The following UBAP1L variants were observed in gnomAD, a reference collection of about 807,000 sequenced individuals.
The protein encoded by UBAP1L is ubiquitin-associated protein 1-like.
A neutral mutation model predicts 32.1 loss-of-function variants in UBAP1L; 32 were observed. The observed-to-expected ratio is 1.00, with a 90% CI of 0.75 to 1.34. The LOEUF (loss-of-function observed/expected upper bound fraction) is 1.34, where lower values mean the gene tolerates loss of function less well. UBAP1L is among the 40% of genes most tolerant of loss of function. UBAP1L has a pLI of 0.00. For synonymous variants in UBAP1L, 243 were observed against 250.2 expected (o/e 0.97, Z 0.27); for missense variants, 516 against 540.5 (o/e 0.95, Z 0.45).
At position 65,092,889 on chromosome 15, in the gene UBAP1L, C is replaced by T; in HGVS notation, c.*208G>A. ...GAAGAACATAGCTCCCCGTCCGGCT[C>T]TCCCATCTGCCCCTCTGCAGAGGCA... On this transcript the variant is annotated 3_prime_UTR_variant, in exon 6 of 6. Coordinates refer to ENST00000559089, the MANE Select transcript of UBAP1L (RefSeq NM_001163692.2). 3.0e-6 allele frequency: 2 copies of T among 662,648 alleles called. No individual in the cohort carries two copies. The highest frequency in any genetic ancestry group is 4.8e-6 in the Non-Finnish European group (2 of 414,466). The allele number at this position is 662,648 out of a possible 1,614,324, so 41.0% of individuals were successfully genotyped here.
At chr15:65,104,168 C>T (rs1429457446) in intron 2 of UBAP1L, among the ~76,000 whole-genome samples, 1 of 151,998 alleles carries the variant, frequency 6.6e-6, no homozygotes, top group Non-Finnish European at 1.5e-5. Context: ...AGGAGAATCG[C>T]TTGAACCTGG....
chr15:65,104,070 G>C (rs977429849), intron 2 of UBAP1L, among the ~76,000 whole-genome samples: 1 of 152,044 alleles, frequency 6.6e-6, no homozygotes, highest in African/African-American at 2.4e-5. Context: ...TGGCCAACAT[G>C]GCGAAACCCC....
Position 65,094,584 on chromosome 15 carries a change from G to A in UBAP1L, c.910-8C>T, listed in dbSNP as rs1279386035. 2.6e-5 allele frequency: 41 copies of A among 1,549,512 alleles called. No homozygotes were observed. Among genetic ancestry groups the A allele is most frequent in the Non-Finnish European group, 3.1e-5 (36 of 1,145,560 alleles). On this transcript the variant is annotated splice_polypyrimidine_tract_variant and splice_region_variant and intron_variant, in intron 4 of 5. Coordinates refer to ENST00000559089, the MANE Select transcript of UBAP1L (RefSeq NM_001163692.2). This position sits in a 1 kb window ranked among gnomAD's most constrained non-coding sequence, Gnocchi z 4.2. ...ACTGAGGTAGCTGAGAAACTGGGCC[G>A]GAAGCGGGCAGAGAGGGAGGGAGGG...
At chr15:65,099,453 A>G (rs542361613) in intron 4 of UBAP1L, 52 bp downstream of exon 4, 84 of 1,526,504 alleles carry the variant, frequency 5.5e-5, no homozygotes, top group South Asian at 1.6e-4. Flanking sequence ...TCATGTGGCC[A>G]CTCACCTGGC....
In UBAP1L at chr15:65,094,560, C is replaced by A; in HGVS notation, c.926G>T (p.Ser309Ile). The change falls in exon 5 of 6, where the codon AGT becomes ATT. Residue 309 changes from serine to isoleucine, a missense_variant. Ser to Ile is a moderately radical substitution (Grantham distance 142, BLOSUM62 -2). Transcript: ENST00000559089. This position sits in a 1 kb window ranked among gnomAD's most constrained non-coding sequence, Gnocchi z 4.2. Reference protein sequence around the residue: ...QSLSQFLSYLSACDRLLRQGY... With the variant: ...QSLSQFLSYLIACDRLLRQGY... ...CTGACGTAACAGGCGGTCACAGGCA[C>A]TGAGGTAGCTGAGAAACTGGGCCGG... 1 of 1,551,398 alleles carries A rather than the reference C, an allele frequency of 6.4e-7. No homozygotes were observed. Among genetic ancestry groups the A allele is most frequent in the Non-Finnish European group, 8.7e-7 (1 of 1,146,922 alleles).
chr15:65,111,372 A>C (rs1236318927), intron 1 of UBAP1L, among the ~76,000 whole-genome samples: 1 of 152,346 alleles, frequency 6.6e-6, no homozygotes, highest in East Asian at 1.9e-4. Flanking sequence ...TCCACTTAGC[A>C]GGTATAGGGC....
intron 1 of UBAP1L, among the ~76,000 whole-genome samples, chr15:65,111,287 T>C (rs1425600628): frequency 6.6e-6 from 1 of 152,204 alleles, no homozygotes; most frequent in Non-Finnish European, 1.5e-5. Context: ...TCAGATTTAT[T>C]ATTCACATTT....
At chr15:65,105,687 A>T in intron 2 of UBAP1L, 2 of 689,080 alleles carry the variant, frequency 2.9e-6, no homozygotes, top group South Asian at 2.7e-5. Context: ...GAAAGATGTC[A>T]CTTTACAGAA....
At chr15:65,105,932 A>G (rs964045695) in intron 2 of UBAP1L, 164 bp downstream of exon 2, 13 of 939,462 alleles carry the variant, frequency 1.4e-5, no homozygotes, top group Non-Finnish European at 2.1e-5. Context: ...CTGGGATTAC[A>G]GGCACGCGTC....
rs1398827878 is a variant in UBAP1L, at chr15:65,102,257, G to T, written c.548C>A (p.Ala183Glu). ...ALLHGLRGHR[A>E]LSLCPSPAQS... Reference sequence around the variant, plus strand: ...CGCAGGGCTCGGGCACAGGCTCAGCGCGCGGTGGCCGCGGAGGCCATGCAG... The same window carrying T: ...CGCAGGGCTCGGGCACAGGCTCAGCTCGCGGTGGCCGCGGAGGCCATGCAG... Residue 183 changes from alanine to glutamate, a missense_variant, in exon 3 of 6, where the codon GCG becomes GAG. Coordinates refer to ENST00000559089, the MANE Select transcript of UBAP1L (RefSeq NM_001163692.2). The surrounding 1 kb of genome is among the most constrained non-coding windows in gnomAD (Gnocchi z 5.0). 1.5e-6 allele frequency: 2 copies of T among 1,307,758 alleles called. No individual in the cohort carries two copies. Among genetic ancestry groups the T allele is most frequent in the South Asian group, 1.9e-5 (1 of 51,982 alleles). The allele number at this position is 1,307,758 out of a possible 1,614,324, so 81.0% of individuals were successfully genotyped here.
chr15:65,109,339 T>C lies in UBAP1L; in HGVS notation c.-173-2951A>G, dbSNP rs185123310. Among the ~76,000 whole-genome samples, 6 of 150,438 alleles carry C rather than the reference T, an allele frequency of 4.0e-5. No homozygotes were observed. The East Asian group carries it at 9.8e-4, about 25-fold the overall frequency. On this transcript the variant is annotated intron_variant, in intron 1 of 5. Coordinates refer to ENST00000559089, the MANE Select transcript of UBAP1L (RefSeq NM_001163692.2). The stretch of plus-strand genomic sequence containing the variant: ...TCTACTAAAAATACAAAAAATTAGC[T>C]GGGCATAGTGGTGGGCGCCTGTAGT...
chr15:65,103,090 C>T (rs1177411603), intron 2 of UBAP1L, among the ~76,000 whole-genome samples: 1 of 152,202 alleles, frequency 6.6e-6, no homozygotes, highest in Non-Finnish European at 1.5e-5. Flanking sequence ...CCTTGGAGGC[C>T]CGCCCAGGCA....
At chr15:65,103,215 G>A (rs1323123822) in intron 2 of UBAP1L, among the ~76,000 whole-genome samples, 1 of 152,124 alleles carries the variant, frequency 6.6e-6, no homozygotes, top group Non-Finnish European at 1.5e-5. Context: ...TACTTAGTAT[G>A]GTCTAGTGTC....
rs1396145548 is a variant in UBAP1L, at chr15:65,093,148, A to G, written c.1095T>C (p.His365=). 6.5e-6 allele frequency: 10 copies of G among 1,549,030 alleles called. No individual in the cohort carries two copies. The highest frequency in any genetic ancestry group is 1.2e-5 in the South Asian group (1 of 83,888). The change falls in exon 6 of 6, where the codon CAT becomes CAC. Residue 365 remains histidine, a synonymous_variant. Coordinates refer to ENST00000559089, the MANE Select transcript of UBAP1L (RefSeq NM_001163692.2). The part of the protein sequence containing the change: ...QDRIKEVLLV[H]GNRREQALEE... ...CCAGGGCTTGCTCTCGGCGGTTGCCATGGACCAGCAGCACCTCCTTGATCC... is the reference window on the plus strand; with the variant it reads ...CCAGGGCTTGCTCTCGGCGGTTGCCGTGGACCAGCAGCACCTCCTTGATCC...
Position 65,102,453 on chromosome 15 carries a change from C to A in UBAP1L, c.352G>T (p.Gly118Cys). ...EGEDEAEASS[G>C]SEEEPAPSSL... Reference sequence around the variant, plus strand: ...CTGGGGGCCGGCTCTTCCTCGCTGCCAGAGGAGGCTTCTGCCTCGTCCTCA... The same window carrying A: ...CTGGGGGCCGGCTCTTCCTCGCTGCAAGAGGAGGCTTCTGCCTCGTCCTCA... The change falls in exon 3 of 6, where the codon GGC becomes TGC. Residue 118 changes from glycine (G) to cysteine (C), a missense_variant. Coordinates refer to ENST00000559089, the MANE Select transcript of UBAP1L (RefSeq NM_001163692.2). The surrounding 1 kb of genome is among the most constrained non-coding windows in gnomAD (Gnocchi z 5.0). 7.0e-7 allele frequency: 1 copy of A among 1,424,822 alleles called. No individual in the cohort carries two copies. The highest frequency in any genetic ancestry group is 2.9e-5 in the East Asian group (1 of 34,984). 88.3% of individuals were successfully genotyped at this position (1,424,822 alleles called of 1,614,324 possible).
Position 65,094,800 on chromosome 15 carries a change from A to T in UBAP1L, c.910-224T>A, listed in dbSNP as rs2087156177. 1 of 575,318 alleles carries T rather than the reference A, an allele frequency of 1.7e-6. No individual in the cohort carries two copies. Among genetic ancestry groups the T allele is most frequent in the Admixed American group, 2.9e-5 (1 of 34,202 alleles). The allele number at this position is 575,318 out of a possible 1,614,324, so 35.6% of individuals were successfully genotyped here. On this transcript the variant is annotated intron_variant, in intron 4 of 5. Transcript: ENST00000559089. The surrounding 1 kb of genome is among the most constrained non-coding windows in gnomAD (Gnocchi z 4.2). ...CAATGGGTCTTCACCAACTATGCCA[A>T]GCTGGGGGCTGGACTCCAGGAAAAG... is the stretch of plus-strand genomic sequence containing the variant.
intron 4 of UBAP1L, chr15:65,095,007 G>A (rs1489908721): frequency 2.7e-5 from 5 of 186,110 alleles, no homozygotes; most frequent in South Asian, 2.2e-4. Flanking sequence ...CACCCCTACT[G>A]TGCCCCCAGA....
At chr15:65,108,876 G>A (rs1036596475) in intron 1 of UBAP1L, among the ~76,000 whole-genome samples, 2 of 152,064 alleles carry the variant, frequency 1.3e-5, no homozygotes, top group African/African-American at 2.4e-5. Flanking sequence ...AAGAACTTCC[G>A]CCAGGTGCAG....
chr15:65,102,448 G>C lies in UBAP1L; in HGVS notation c.357C>G (p.Ser119Arg), dbSNP rs1218924681. Residue 119 changes from serine (S) to arginine (R), a missense_variant, in exon 3 of 6, where the codon AGC (serine) becomes AGG (arginine). By Grantham distance (110) the Ser-to-Arg change is moderately radical (BLOSUM62 -1). Transcript: ENST00000559089. This position sits in a 1 kb window ranked among gnomAD's most constrained non-coding sequence, Gnocchi z 5.0. ...GEDEAEASSGSEEEPAPSSLQ... is the reference protein window; with the variant it reads ...GEDEAEASSGREEEPAPSSLQ... ...GGCTGCTGGGGGCCGGCTCTTCCTC[G>C]CTGCCAGAGGAGGCTTCTGCCTCGT... 1.4e-6 allele frequency: 2 copies of C among 1,421,968 alleles called. No individual in the cohort carries two copies. The highest frequency in any genetic ancestry group is 1.5e-5 in the African/African-American group (1 of 66,262). The allele number at this position is 1,421,968 out of a possible 1,614,324, so 88.1% of individuals were successfully genotyped here. A position where few individuals can be genotyped will look rare whatever the true frequency, so the allele number is the denominator to read the frequency against.
Sources: gnomAD v4.1 joint callset for allele counts (sites outside exome capture counted in the v4.1 genomes callset) on GRCh38, gnomAD v4.1.1 for gene constraint, Gnocchi (gnomAD v3.1) non-coding constraint, MANE v1.5 for transcripts, NCBI Gene and HGNC (gene_info 2026-07-23, HGNC 2026-07-21) for gene names.